XIRP2: variants seen among roughly 807,000 people sequenced by gnomAD.
The protein encoded by XIRP2 is xin actin binding repeat containing 2, also known as xin actin-binding repeat-containing protein 2.
XIRP2 carries 236 observed loss-of-function variants against 277.0 expected under a neutral mutation model. The ratio of observed to expected loss-of-function variants is 0.85; its 90% CI spans 0.77 to 0.95. XIRP2 has a LOEUF of 0.95. Among genes scored for constraint, XIRP2 ranks in the 40% least tolerant of loss-of-function variants. The probability of loss-of-function intolerance (pLI) is 0.00; values close to 1 mark genes in which losing one functional copy is unlikely to be tolerated. For missense variants in XIRP2, 4,640 were observed against 4,157.5 expected, an observed-to-expected ratio of 1.12 and a Z score of -3.19; for synonymous variants, 1,490 against 1,416.5, an observed-to-expected ratio of 1.05 and a Z score of -1.17.
chr2:167,210,374 A>C (rs1322904822), intron 3 of XIRP2, among the ~76,000 whole-genome samples: 1 of 152,220 alleles, frequency 6.6e-6, no homozygotes, highest in African/African-American at 2.4e-5. Flanking sequence ...CCTACCTTAC[A>C]AGATTGTTAG....
At chr2:167,073,786 T>C (rs567141253) in intron 2 of XIRP2, among the ~76,000 whole-genome samples, 3 of 152,310 alleles carry the variant, frequency 2.0e-5, no homozygotes, top group East Asian at 3.9e-4. Context: ...TTTTCTCTTT[T>C]ATATTTCCGA....
chr2:167,135,570 A>G (rs1691520018), intron 2 of XIRP2, among the ~76,000 whole-genome samples: 1 of 152,086 alleles, frequency 6.6e-6, no homozygotes, highest in South Asian at 2.1e-4. Context: ...TCCCTCATCA[A>G]CATTTCTCAG....
chr2:166,918,503 G>T (rs554917621), intron 2 of XIRP2, among the ~76,000 whole-genome samples: 1 of 152,102 alleles, frequency 6.6e-6, no homozygotes, highest in African/African-American at 2.4e-5. Context: ...TTCACTTATG[G>T]TATTTGTTAA....
chr2:167,195,752 G>T (rs1280565967), intron 3 of XIRP2, among the ~76,000 whole-genome samples: 1 of 152,170 alleles, frequency 6.6e-6, no homozygotes, highest in Non-Finnish European at 1.5e-5. Flanking sequence ...AAATCAGTGG[G>T]TATAGGGACA....
intron 2 of XIRP2, among the ~76,000 whole-genome samples, chr2:166,913,273 A>T (rs1232657123): frequency 1.3e-5 from 2 of 148,944 alleles, no homozygotes; most frequent in African/African-American, 4.9e-5. Context: ...CTTCCTGGCC[A>T]CTTTGTTTAC....
intron 2 of XIRP2, among the ~76,000 whole-genome samples, chr2:167,060,517 T>C (rs1689150335): frequency 6.6e-6 from 1 of 152,198 alleles, no homozygotes; most frequent in Admixed American, 6.5e-5. Context: ...TGAGGGGTTT[T>C]TTGTATATAT....
chr2:167,026,972 A>G (rs1280547150), intron 2 of XIRP2, among the ~76,000 whole-genome samples: 1 of 151,972 alleles, frequency 6.6e-6, no homozygotes, highest in African/African-American at 2.4e-5. Flanking sequence ...GAATCTGACA[A>G]TTATGTGTCT....
At chr2:166,972,339 T>G (rs1354981206) in intron 2 of XIRP2, among the ~76,000 whole-genome samples, 1 of 152,174 alleles carries the variant, frequency 6.6e-6, no homozygotes, top group African/African-American at 2.4e-5. Context: ...TACTTTGGTA[T>G]GTAATGGCAT....
intron 2 of XIRP2, among the ~76,000 whole-genome samples, chr2:167,000,174 A>G (rs2105454144): frequency 6.6e-6 from 1 of 152,284 alleles, no homozygotes; most frequent in East Asian, 1.9e-4. Context: ...TAGAGAACAT[A>G]TCACTGATGA....
At chr2:166,942,198 C>T (rs192001482) in intron 2 of XIRP2, among the ~76,000 whole-genome samples, 38 of 152,286 alleles carry the variant, frequency 2.5e-4, no homozygotes, top group Admixed American at 2.5e-3. Flanking sequence ...GGCACGAAAA[C>T]CATGCCACAT....
intron 5 of XIRP2, among the ~76,000 whole-genome samples, chr2:167,220,667 A>G (rs368974039): frequency 6.6e-6 from 1 of 152,224 alleles, no homozygotes; most frequent in African/African-American, 2.4e-5. Flanking sequence ...AAAAAGGCTT[A>G]TAGCATCTTG....
chr2:167,153,034 A>T (rs1163951935), intron 3 of XIRP2, among the ~76,000 whole-genome samples: 3 of 152,042 alleles, frequency 2.0e-5, no homozygotes, highest in Non-Finnish European at 2.9e-5. Context: ...CTGTATTATG[A>T]TTTATTTGTT....
At chr2:167,109,432 C>T (rs1255399373) in intron 2 of XIRP2, among the ~76,000 whole-genome samples, 2 of 152,092 alleles carry the variant, frequency 1.3e-5, no homozygotes, top group African/African-American at 2.4e-5. Context: ...AGGCATGTGC[C>T]ACCATGCCCA....
chr2:167,037,489 T>C (rs1029100823), intron 2 of XIRP2, among the ~76,000 whole-genome samples: 24 of 151,304 alleles, frequency 1.6e-4, no homozygotes, highest in African/African-American at 5.6e-4. Flanking sequence ...ATTGAGTGGG[T>C]TTTTGGCTTG....
At chr2:167,177,028 A>G (rs1160076315) in intron 3 of XIRP2, among the ~76,000 whole-genome samples, 1 of 152,230 alleles carries the variant, frequency 6.6e-6, no homozygotes. Context: ...ATCTCATTGC[A>G]GCTGAGTGAA....
chr2:167,146,570 T>G (rs1691871535), intron 3 of XIRP2, among the ~76,000 whole-genome samples: 1 of 151,638 alleles, frequency 6.6e-6, no homozygotes, highest in Non-Finnish European at 1.5e-5. Flanking sequence ...AGTAATAAAT[T>G]TATGCAAATA....
rs891621605 is a variant in XIRP2, at chr2:167,244,888, T to C, written c.3496T>C (p.Cys1166Arg). Residue 1166 changes from cysteine (C) to arginine (R), a missense_variant, in exon 9 of 11, where the codon TGT becomes CGT. By Grantham distance (180) the Cys-to-Arg change is radical. Transcript: ENST00000409195. ...EIQGGDVRTA[C>R]FLFETENLDS... is the part of the protein sequence containing the mutation. Reference sequence around the variant, plus strand: ...CCAAGGTGGGGATGTTCGTACAGCATGTTTTCTTTTTGAGACAGAAAATTT... The same window carrying C: ...CCAAGGTGGGGATGTTCGTACAGCACGTTTTCTTTTTGAGACAGAAAATTT... 1 of 1,613,374 alleles carries C rather than the reference T, an allele frequency of 6.2e-7. No individual in the cohort carries two copies. Among genetic ancestry groups the C allele is most frequent in the Non-Finnish European group, 8.5e-7 (1 of 1,179,704 alleles).
At chr2:167,153,737 CTCA>C (rs893395730) in intron 3 of XIRP2, among the ~76,000 whole-genome samples, 4 of 151,750 alleles carry the variant, frequency 2.6e-5, no homozygotes, top group African/African-American at 9.7e-5. Flanking sequence ...AGGACATGAA[CTCA>C]TCATTTTTTA....
intron 2 of XIRP2, among the ~76,000 whole-genome samples, chr2:167,129,213 T>C (rs1691302904): frequency 6.6e-6 from 1 of 152,208 alleles, no homozygotes; most frequent in African/African-American, 2.4e-5. Context: ...TAAAACTTCT[T>C]TATGCTTCTA....
Sources: allele counts gnomAD v4.1 joint callset (sites outside exome capture counted in the v4.1 genomes callset), GRCh38; gene constraint gnomAD v4.1.1; transcripts MANE v1.5; gene names NCBI Gene and HGNC (gene_info 2026-07-23, HGNC 2026-07-21).